GPC5: variants seen among roughly 807,000 people sequenced by gnomAD.
GPC5 encodes glypican-5.
In GPC5, 47 loss-of-function variants were observed where a neutral mutation model predicts 53.9. That is an observed-to-expected ratio of 0.87 (90% CI 0.69 to 1.11). GPC5 has a LOEUF of 1.11. Among genes scored for constraint, GPC5 ranks in the 50% most tolerant of loss-of-function variants. The pLI, the probability that GPC5 is intolerant of heterozygous loss-of-function variation, is 0.00. For synonymous variants in GPC5, 286 were observed against 263.3 expected (o/e 1.09, Z -0.84); for missense variants, 748 against 713.1 (o/e 1.05, Z -0.56).
chr13:92,693,693 T>G (rs1887477832), intron 7 of GPC5, among the ~76,000 whole-genome samples: 1 of 152,120 alleles, frequency 6.6e-6, no homozygotes, highest in Non-Finnish European at 1.5e-5. Flanking sequence ...AACTGAAACT[T>G]TTATTTAAAA....
intron 7 of GPC5, among the ~76,000 whole-genome samples, chr13:92,865,195 T>C (rs1482067176): frequency 2.0e-5 from 3 of 152,200 alleles, no homozygotes; most frequent in Admixed American, 1.3e-4. Flanking sequence ...ACGGAAGTAA[T>C]AACCAGAATG....
intron 2 of GPC5, among the ~76,000 whole-genome samples, chr13:91,471,728 C>T (rs956029440): frequency 6.6e-6 from 1 of 152,080 alleles, no homozygotes; most frequent in Admixed American, 6.6e-5. Flanking sequence ...ATCATTTCTT[C>T]CTAGGTCTCT....
intron 5 of GPC5, among the ~76,000 whole-genome samples, chr13:91,769,235 T>C (rs972658314): frequency 6.6e-6 from 1 of 152,176 alleles, no homozygotes. Context: ...ATTGATTGAA[T>C]GAGGACCACC....
At chr13:92,170,479 G>A (rs148859202) in intron 7 of GPC5, among the ~76,000 whole-genome samples, 1,661 of 130,262 alleles carry the variant, frequency 0.013, 29 homozygotes, top group African/African-American at 0.047. Flanking sequence ...AGGCTGGAGT[G>A]TAGTGGTGTG....
At chr13:91,664,566 G>A (rs9301748) in intron 2 of GPC5, among the ~76,000 whole-genome samples, 2 of 152,090 alleles carry the variant, frequency 1.3e-5, no homozygotes, top group South Asian at 4.1e-4. Flanking sequence ...AAATGATGGC[G>A]TTTTTCTAAA....
At chr13:91,511,392 GCT>G (rs1405594566) in intron 2 of GPC5, among the ~76,000 whole-genome samples, 2 of 151,664 alleles carry the variant, frequency 1.3e-5, no homozygotes, top group African/African-American at 2.4e-5. Context: ...GATATTTTTG[GCT>G]CTCTGGGTTG....
At chr13:92,063,740 A>G (rs2041142707) in intron 6 of GPC5, among the ~76,000 whole-genome samples, 1 of 152,200 alleles carries the variant, frequency 6.6e-6, no homozygotes, top group South Asian at 2.1e-4. Context: ...TAAAATGCTT[A>G]ATGATATGAC....
intron 7 of GPC5, among the ~76,000 whole-genome samples, chr13:92,360,727 C>A (rs909283420): frequency 4.0e-5 from 6 of 151,798 alleles, no homozygotes; most frequent in Admixed American, 6.5e-5. Context: ...ATCTAGAAAA[C>A]CCCATAGTCT....
chr13:92,426,126 A>G (rs1172445377), intron 7 of GPC5, among the ~76,000 whole-genome samples: 1 of 152,064 alleles, frequency 6.6e-6, no homozygotes, highest in Admixed American at 6.6e-5. Flanking sequence ...TCACAATGGA[A>G]GCTTCAGTTT....
intron 7 of GPC5, among the ~76,000 whole-genome samples, chr13:92,617,198 C>T (rs924233316): frequency 2.0e-5 from 3 of 152,162 alleles, no homozygotes. Flanking sequence ...GTTACTCCTT[C>T]CTCAAAGATT....
intron 6 of GPC5, among the ~76,000 whole-genome samples, chr13:92,007,604 G>T (rs2040619002): frequency 6.6e-6 from 1 of 151,988 alleles, no homozygotes; most frequent in Non-Finnish European, 1.5e-5. Flanking sequence ...TTTAAATTGT[G>T]TGTCTTTCAG....
At position 92,381,887 on chromosome 13, in the gene GPC5, T is replaced by TATCATATATATCATATATATG. The variant is rs1566565274; in HGVS notation, c.1561+236900_1561+236901insCATATATATCATATATATGAT. ...TATATATCATATATATGATTATATA[T>TATCATATATATCATATATATG]ATTATATATAATCATATATATGATA... On this transcript the variant is annotated intron_variant, in intron 7 of 7. Coordinates refer to ENST00000377067, the MANE Select transcript of GPC5 (RefSeq NM_004466.6). Among the ~76,000 whole-genome samples the TATCATATATATCATATATATG allele has an allele frequency of 3.0e-4, 27 of 91,146 alleles. 1 individual carries two copies. Among genetic ancestry groups the TATCATATATATCATATATATG allele is most frequent in the African/African-American group, 1.0e-3 (25 of 24,714 alleles). The allele number at this position is 91,146 out of a possible 152,430, so 59.8% of individuals were successfully genotyped here. A position where few individuals can be genotyped will look rare whatever the true frequency, so the allele number is the denominator to read the frequency against.
rs149232126 is a variant in GPC5, at chr13:91,467,258, C to T, written c.325+18336C>T. On this transcript the variant is annotated intron_variant, in intron 2 of 7. Coordinates refer to ENST00000377067, the MANE Select transcript of GPC5 (RefSeq NM_004466.6). The stretch of plus-strand genomic sequence containing the variant: ...GAAAGTTGGAAAAAAGTCCTGAAAA[C>T]GGTGACATTAGGTGAAAAACAATAG... Among the ~76,000 whole-genome samples the T allele has an allele frequency of 1.6e-4, 24 of 152,206 alleles. 1 individual carries two copies. The East Asian group carries it at 3.5e-3, about 22-fold the overall frequency.
chr13:92,306,169 C>T (rs1272141525), intron 7 of GPC5, among the ~76,000 whole-genome samples: 2 of 151,996 alleles, frequency 1.3e-5, no homozygotes, highest in Non-Finnish European at 1.5e-5. Flanking sequence ...GTGAATAGAC[C>T]AATGTTTTTG....
intron 7 of GPC5, among the ~76,000 whole-genome samples, chr13:92,657,682 C>T (rs1886187789): frequency 6.9e-6 from 1 of 145,402 alleles, no homozygotes; most frequent in African/African-American, 2.6e-5. Context: ...CTTTCAGTAG[C>T]ATCAACATTA....
intron 1 of GPC5, among the ~76,000 whole-genome samples, chr13:91,430,687 A>C (rs1470434145): frequency 1.3e-5 from 2 of 152,066 alleles, no homozygotes; most frequent in African/African-American, 4.8e-5. Context: ...GGTAACTAAC[A>C]TTATACTCAC....
chr13:92,511,501 AT>A (rs1182544238), intron 7 of GPC5, among the ~76,000 whole-genome samples: 5 of 152,092 alleles, frequency 3.3e-5, no homozygotes, highest in African/African-American at 1.2e-4. Flanking sequence ...TTTTGCATTT[AT>A]TTCAGAGAAA....
chr13:91,563,298 G>A (rs1030264429), intron 2 of GPC5, among the ~76,000 whole-genome samples: 2 of 152,018 alleles, frequency 1.3e-5, no homozygotes, highest in African/African-American at 4.8e-5. Context: ...GATATGGACC[G>A]CCTGCTAATT....
chr13:91,982,084 C>A (rs1188637133), intron 6 of GPC5, among the ~76,000 whole-genome samples: 1 of 152,068 alleles, frequency 6.6e-6, no homozygotes, highest in Non-Finnish European at 1.5e-5. Flanking sequence ...GAGAGGGAAG[C>A]AGGAAGATGA....
Sources: allele counts gnomAD v4.1 joint callset (sites outside exome capture counted in the v4.1 genomes callset), GRCh38; gene constraint gnomAD v4.1.1; transcripts MANE v1.5; gene names NCBI Gene and HGNC (gene_info 2026-07-23, HGNC 2026-07-21).